The following HNF4A variants were observed in gnomAD, a reference collection of about 807,000 sequenced individuals.
HNF4A encodes hepatocyte nuclear factor 4 alpha.
Under a neutral mutation model 52.4 loss-of-function variants are expected in HNF4A, and 15 were observed. The observed-to-expected ratio is 0.29, with a 90% CI of 0.19 to 0.44. The LOEUF (loss-of-function observed/expected upper bound fraction) is 0.44. Among genes scored for constraint, HNF4A ranks in the 20% least tolerant of loss-of-function variants. The pLI is 1.00. For synonymous variants in HNF4A, 280 were observed against 264.4 expected (o/e 1.06, Z -0.57); for missense variants, 479 against 647.2 (o/e 0.74, Z 2.82).
intron 1 of HNF4A, among the ~76,000 whole-genome samples, chr20:44,369,249 C>CAAAAAAAAAAAAA: frequency 4.0e-5 from 1 of 24,824 alleles, no homozygotes; most frequent in Non-Finnish European, 6.4e-5. Context: ...AACTCCATCT[C>CAAAAAAAAAAAAA]AAAAAAAAAA....
intron 1 of HNF4A, among the ~76,000 whole-genome samples, chr20:44,388,041 G>A (rs1369387215): frequency 6.6e-6 from 1 of 151,962 alleles, no homozygotes; most frequent in Non-Finnish European, 1.5e-5. Context: ...CTCCAGGTGT[G>A]TCTAACCCAA....
rs541059703 is a variant in HNF4A at position 44,384,987 on chromosome 20, C to G, written c.50-21071C>G. 1.5e-4 allele frequency among the ~76,000 whole-genome samples: 22 copies of G among 144,340 alleles called. No individual in the cohort carries two copies. The East Asian group carries it at 4.9e-3, about 32-fold the overall frequency. The allele number at this position is 144,340 out of a possible 152,430, so 94.7% of individuals were successfully genotyped here. A position where few individuals can be genotyped will look rare whatever the true frequency, so the allele number is the denominator to read the frequency against. On this transcript the variant is annotated intron_variant, in intron 1 of 9. Coordinates refer to the HNF4A transcript ENST00000316673. ...AGCAGACACACCTCTCAGGCTGCCA[C>G]TCAGGAGTCCTTTTGGGTGGGGAGG...
chr20:44,361,019 C>T (rs1480500203), intron 1 of HNF4A, among the ~76,000 whole-genome samples: 3 of 152,112 alleles, frequency 2.0e-5, no homozygotes, highest in African/African-American at 7.2e-5. Flanking sequence ...CAGATGCTGG[C>T]TGGCTATGGG....
intron 3 of HNF4A, among the ~76,000 whole-genome samples, chr20:44,412,700 G>T (rs1535337): frequency 6.6e-6 from 1 of 152,022 alleles, no homozygotes; most frequent in South Asian, 2.1e-4. Flanking sequence ...GAGAGACAGC[G>T]GGCCTGGGAG....
chr20:44,382,249 T>C (rs73111810), intron 1 of HNF4A, among the ~76,000 whole-genome samples: 22,415 of 149,006 alleles, frequency 0.15, 2,337 homozygotes, highest in East Asian at 0.39. Context: ...TTCTTTCTTT[T>C]TTTTTTTTGA....
chr20:44,426,422 CTA>C (rs1292268423), intron 8 of HNF4A, among the ~76,000 whole-genome samples: 1 of 151,932 alleles, frequency 6.6e-6, no homozygotes, highest in Non-Finnish European at 1.5e-5. Flanking sequence ...AATGGTTTGA[CTA>C]TGAAGGGGAG....
At chr20:44,416,250 A>C (rs2063663075) in intron 5 of HNF4A, among the ~76,000 whole-genome samples, 1 of 152,230 alleles carries the variant, frequency 6.6e-6, no homozygotes, top group Non-Finnish European at 1.5e-5. Flanking sequence ...CAGGTGGGGC[A>C]TCCCTGGGAA....
intron 3 of HNF4A, among the ~76,000 whole-genome samples, chr20:44,411,409 G>A (rs1257278883): frequency 6.6e-6 from 1 of 152,136 alleles, no homozygotes; most frequent in Non-Finnish European, 1.5e-5. Context: ...GATAACGCCC[G>A]CCTAACCTTG....
At chr20:44,377,814 C>T (rs2063102348) in intron 1 of HNF4A, 1 of 152,258 alleles carries the variant, frequency 6.6e-6, no homozygotes, top group African/African-American at 2.4e-5. Context: ...CACTCTGTTA[C>T]TCAGGCTGGA....
chr20:44,361,817 G>A (rs1206190897), intron 1 of HNF4A, among the ~76,000 whole-genome samples: 6 of 152,192 alleles, frequency 3.9e-5, no homozygotes, highest in Non-Finnish European at 8.8e-5. Flanking sequence ...GATAAGGACA[G>A]CAAAGGCACT....
At chr20:44,368,823 T>A (rs2063000248) in intron 1 of HNF4A, among the ~76,000 whole-genome samples, 1 of 152,176 alleles carries the variant, frequency 6.6e-6, no homozygotes, top group Non-Finnish European at 1.5e-5. Context: ...TTTAAAATAT[T>A]GATTTATCTC....
chr20:44,416,728 C>A (rs535095529), intron 5 of HNF4A, among the ~76,000 whole-genome samples: 1 of 152,236 alleles, frequency 6.6e-6, no homozygotes, highest in African/African-American at 2.4e-5. Flanking sequence ...TTTCCCCTTT[C>A]CTTCCTTCAT....
chr20:44,392,521 A>G (rs2063313334), intron 1 of HNF4A, among the ~76,000 whole-genome samples: 1 of 152,156 alleles, frequency 6.6e-6, no homozygotes, highest in Non-Finnish European at 1.5e-5. Context: ...AATCTTTTTA[A>G]AAAATAGACA....
Position 44,416,290 on chromosome 20 carries a change from C to T in HNF4A, c.648+1628C>T, listed in dbSNP as rs112352913. 4.3e-3 allele frequency among the ~76,000 whole-genome samples: 660 copies of T among 152,356 alleles called. 2 individuals are homozygous for T. Among genetic ancestry groups the T allele is most frequent in the South Asian group, 0.013 (65 of 4,834 alleles). On this transcript the variant is annotated intron_variant, in intron 5 of 9. Transcript: ENST00000316099. ...GGGGGCATTGTCCTCCAAAGGGCTTCCCAATTTTGTTGACATTGCCCCAGA... is the reference window on the plus strand; with the variant it reads ...GGGGGCATTGTCCTCCAAAGGGCTTTCCAATTTTGTTGACATTGCCCCAGA...
At chr20:44,418,096 G>A (rs1365494188) in intron 5 of HNF4A, among the ~76,000 whole-genome samples, 1 of 151,838 alleles carries the variant, frequency 6.6e-6, no homozygotes, top group Admixed American at 6.6e-5. Flanking sequence ...ACCTTTTTGA[G>A]AATCTCAAAA....
rs146307320 is a variant in HNF4A at position 44,414,524 on chromosome 20, C to T, written c.510C>T (p.Ser170=). The change falls in exon 5 of 10, where the codon TCC becomes TCT. Residue 170 remains serine, a synonymous_variant. Transcript: ENST00000316099. Reference sequence around the variant, plus strand: ...TCTCGAAGATCACCTCCCCCGTCTCCGGGATCAACGGCGACATTCGGGCGA... The same window carrying T: ...TCTCGAAGATCACCTCCCCCGTCTCTGGGATCAACGGCGACATTCGGGCGA... 8.7e-6 allele frequency: 14 copies of T among 1,614,110 alleles called. No homozygotes were observed. The highest frequency in any genetic ancestry group is 6.7e-5 in the Admixed American group (4 of 60,008).
chr20:44,359,928 A>T (rs2062899564), intron 1 of HNF4A, among the ~76,000 whole-genome samples: 1 of 152,126 alleles, frequency 6.6e-6, no homozygotes, highest in Non-Finnish European at 1.5e-5. Context: ...TGAGGATGAG[A>T]TGCTAAACAT....
In HNF4A at chr20:44,387,658, G is replaced by GC. The variant is rs1305869553; in HGVS notation, c.50-18400_50-18399insC. Among the ~76,000 whole-genome samples the GC allele has an allele frequency of 1.7e-3, 146 of 88,004 alleles. 10 individuals are homozygous for GC. In the East Asian group the frequency reaches 0.045, roughly 27 times the overall value. 57.7% of individuals were successfully genotyped at this position (88,004 alleles called of 152,430 possible). On this transcript the variant is annotated intron_variant, in intron 1 of 9. Coordinates refer to the HNF4A transcript ENST00000316673. ...GAAGGGGTGGGGTGGAGGCAGGCGG[G>GC]GGGGGGGGGAGGCGGGGGGGGCGGT...
At chr20:44,361,300 G>C (rs960842531) in intron 1 of HNF4A, among the ~76,000 whole-genome samples, 1 of 152,298 alleles carries the variant, frequency 6.6e-6, no homozygotes, top group South Asian at 2.1e-4. Flanking sequence ...AGGGTATGCA[G>C]TTCAGTTGAG....
Sources: allele counts gnomAD v4.1 joint callset (sites outside exome capture counted in the v4.1 genomes callset), GRCh38; gene constraint gnomAD v4.1.1; transcripts MANE v1.5; gene names NCBI Gene and HGNC (gene_info 2026-07-23, HGNC 2026-07-21).